The following ABTB2 variants were observed in gnomAD, a reference collection of about 807,000 sequenced individuals.
ABTB2 encodes the protein ankyrin repeat and BTB domain containing 2.
A neutral mutation model predicts 104.1 loss-of-function variants in ABTB2; 56 were observed. That is an observed-to-expected ratio of 0.54 (90% CI 0.43 to 0.67). The LOEUF is 0.67. ABTB2 is among the 30% of genes least tolerant of loss of function. ABTB2 has a pLI of 0.00. For missense variants in ABTB2, 1,279 were observed against 1,407.7 expected (o/e 0.91, Z 1.46); for synonymous variants, 606 against 608.2 (o/e 1.00, Z 0.05).
chr11:34,312,040 C>T (rs1854860765), intron 1 of ABTB2, among the ~76,000 whole-genome samples: 1 of 151,264 alleles, frequency 6.6e-6, no homozygotes, highest in Non-Finnish European at 1.5e-5. Context: ...ACTCAGGAGG[C>T]TAAGGCAGGA....
chr11:34,271,091 C>T (rs915128005), intron 1 of ABTB2, among the ~76,000 whole-genome samples: 6 of 152,094 alleles, frequency 3.9e-5, no homozygotes, highest in African/African-American at 1.4e-4. Flanking sequence ...TGTATAGGGA[C>T]GGGTGATGGC....
At chr11:34,300,109 A>ATATATTG (rs1354604964) in intron 1 of ABTB2, among the ~76,000 whole-genome samples, 2 of 152,168 alleles carry the variant, frequency 1.3e-5, no homozygotes, top group Non-Finnish European at 2.9e-5. Context: ...GCTCTTAAGA[A>ATATATTG]TATATTGTTT....
At chr11:34,350,812 A>G (rs1307167888) in intron 1 of ABTB2, among the ~76,000 whole-genome samples, 1 of 152,318 alleles carries the variant, frequency 6.6e-6, no homozygotes, top group East Asian at 1.9e-4. Flanking sequence ...GGATTCTGTA[A>G]TTCTTTATAG....
intron 7 of ABTB2, among the ~76,000 whole-genome samples, chr11:34,166,515 T>TGATGGG (rs576022353): frequency 5.9e-5 from 9 of 152,214 alleles, no homozygotes; most frequent in African/African-American, 2.2e-4. Flanking sequence ...GCTGAGTCCT[T>TGATGGG]GTGATAGGCT....
At chr11:34,287,819 T>G (rs898679552) in intron 1 of ABTB2, among the ~76,000 whole-genome samples, 3 of 152,144 alleles carry the variant, frequency 2.0e-5, no homozygotes, top group African/African-American at 7.2e-5. Flanking sequence ...TCCGTGGTAT[T>G]TTTTTTCTTT....
chr11:34,300,059 G>C lies in ABTB2; in HGVS notation c.883+56642C>G, dbSNP rs116564847. On this transcript the variant is annotated intron_variant, in intron 1 of 16. Transcript: ENST00000435224. ...ACGCTTGGTGGGGGGAAGATGAGGG[G>C]TGGGAATACCTTCAAGGTGAGGAAG... is the stretch of plus-strand genomic sequence containing the variant. Among the ~76,000 whole-genome samples, 313 of 152,268 alleles carry C rather than the reference G, an allele frequency of 2.1e-3. 2 individuals carry two copies. Among genetic ancestry groups the C allele is most frequent in the African/African-American group, 7.4e-3 (306 of 41,546 alleles).
intron 1 of ABTB2, among the ~76,000 whole-genome samples, chr11:34,332,776 C>T (rs1260715251): frequency 6.6e-6 from 1 of 151,830 alleles, no homozygotes; most frequent in Non-Finnish European, 1.5e-5. Flanking sequence ...CTTTCCTGCC[C>T]ATTTCCTCTG....
At chr11:34,185,515 A>G (rs1399151293) in intron 3 of ABTB2, among the ~76,000 whole-genome samples, 2 of 152,232 alleles carry the variant, frequency 1.3e-5, no homozygotes, top group Non-Finnish European at 2.9e-5. Context: ...TTACCTCTGA[A>G]ACAGTCACCC....
intron 1 of ABTB2, among the ~76,000 whole-genome samples, chr11:34,270,758 G>A (rs1298912992): frequency 2.0e-5 from 3 of 152,210 alleles, no homozygotes; most frequent in Non-Finnish European, 2.9e-5. Flanking sequence ...TCTAGAGGGG[G>A]CAGATGCTAT....
intron 1 of ABTB2, among the ~76,000 whole-genome samples, chr11:34,322,773 G>C (rs1355133605): frequency 6.6e-6 from 1 of 152,136 alleles, no homozygotes; most frequent in African/African-American, 2.4e-5. Context: ...CTGGGCTCAA[G>C]TGATCCTCCA....
chr11:34,186,147 A>G (rs546200364), intron 3 of ABTB2, among the ~76,000 whole-genome samples: 1 of 152,344 alleles, frequency 6.6e-6, no homozygotes, highest in African/African-American at 2.4e-5. Flanking sequence ...TCTCAGCCTC[A>G]TCAGGCCCTG....
intron 1 of ABTB2, among the ~76,000 whole-genome samples, chr11:34,208,294 T>C (rs1853434453): frequency 6.6e-6 from 1 of 152,122 alleles, no homozygotes; most frequent in African/African-American, 2.4e-5. Flanking sequence ...TTTAGTAAAA[T>C]CCTTAGAAAA....
At chr11:34,250,945 C>T (rs1341085638) in intron 1 of ABTB2, among the ~76,000 whole-genome samples, 2 of 152,210 alleles carry the variant, frequency 1.3e-5, no homozygotes, top group East Asian at 1.9e-4. Flanking sequence ...CAAGGAAGCA[C>T]AGCTAGTTAA....
intron 1 of ABTB2, among the ~76,000 whole-genome samples, chr11:34,222,988 A>T (rs1853643489): frequency 6.6e-6 from 1 of 152,168 alleles, no homozygotes; most frequent in African/African-American, 2.4e-5. Context: ...CTGTCTGCAC[A>T]GCCCTAATGT....
At position 34,172,088 on chromosome 11, in the gene ABTB2, T is replaced by C. The variant is rs1852882296; in HGVS notation, c.1398-1017A>G. ...TTGGCAGAGGGTTAAAAAAAAGATA[T>C]AAGGCCAGGAGCAGTGGCTCACGCC... On this transcript the variant is annotated intron_variant, in intron 4 of 16. Transcript: ENST00000435224. Among the ~76,000 whole-genome samples, 4 of 151,712 alleles carry C rather than the reference T, an allele frequency of 2.6e-5. No homozygotes were observed. The South Asian group carries it at 8.3e-4, about 32-fold the overall frequency.
intron 3 of ABTB2, among the ~76,000 whole-genome samples, chr11:34,192,916 C>G (rs116046384): frequency 1.4e-3 from 214 of 152,332 alleles, no homozygotes; most frequent in African/African-American, 5.0e-3. Flanking sequence ...TGCCTTCCAG[C>G]AATTTGCTGG....
rs759224075 is a variant in ABTB2, at chr11:34,356,695, G to A, written c.883+6C>T. 31 of 1,577,968 alleles carry A rather than the reference G, an allele frequency of 2.0e-5. No homozygotes were observed. Among genetic ancestry groups the A allele is most frequent in the South Asian group, 1.4e-4 (12 of 88,132 alleles). ...CAGTCTGCCAGTCCGAGGCCCGCGC[G>A]CTTACCATTGGCGTTCTTGCCGCAG... On this transcript the variant is annotated splice_donor_region_variant and intron_variant, in intron 1 of 16. Coordinates refer to ENST00000435224, the MANE Select transcript of ABTB2 (RefSeq NM_145804.3). The surrounding 1 kb of genome is among the most constrained non-coding windows in gnomAD (Gnocchi z 4.6).
chr11:34,239,831 C>T (rs921590513), intron 1 of ABTB2, among the ~76,000 whole-genome samples: 2 of 151,706 alleles, frequency 1.3e-5, no homozygotes, highest in African/African-American at 4.9e-5. Context: ...CACCTCTTGA[C>T]AAGGATCCAC....
intron 1 of ABTB2, among the ~76,000 whole-genome samples, chr11:34,307,986 G>A (rs180861105): frequency 2.1e-4 from 32 of 152,328 alleles, no homozygotes; most frequent in Admixed American, 1.2e-3. Context: ...GTGAGCCACT[G>A]CACCCAGCTA....
Sources: allele counts gnomAD v4.1 joint callset (sites outside exome capture counted in the v4.1 genomes callset), GRCh38; gene constraint gnomAD v4.1.1; non-coding constraint Gnocchi (gnomAD v3.1); transcripts MANE v1.5; gene names NCBI Gene and HGNC (gene_info 2026-07-23, HGNC 2026-07-21).